Variants in NMNAT1 observed in about 807,000 individuals in gnomAD.
The protein encoded by NMNAT1 is nicotinamide nucleotide adenylyltransferase 1.
In NMNAT1, 11 loss-of-function variants were observed where a neutral mutation model predicts 16.7. The observed-to-expected ratio is 0.66, with a 90% CI of 0.41 to 1.09. The LOEUF (loss-of-function observed/expected upper bound fraction) is 1.09, where lower values mean the gene tolerates loss of function less well. Ranked by LOEUF, NMNAT1 falls within the 50% of genes least tolerant of loss-of-function variation. NMNAT1 has a pLI of 0.00. For synonymous variants in NMNAT1, 110 were observed against 119.8 expected (o/e 0.92, Z 0.53); for missense variants, 280 against 332.3 (o/e 0.84, Z 1.22).
At position 9,972,207 on chromosome 1, in the gene NMNAT1, A is replaced by C; in HGVS notation, c.115+19A>C. The C allele has an allele frequency of 7.1e-7, 1 of 1,416,670 alleles. No individual in the cohort carries two copies. The highest frequency in any genetic ancestry group is 1.4e-5 in the African/African-American group (1 of 71,050). 87.8% of individuals were successfully genotyped at this position (1,416,670 alleles called of 1,614,324 possible). The stretch of plus-strand genomic sequence containing the variant: ...GGAACAGGTAGGAGCAGTAACCAAA[A>C]GTGGCTTAAGACTAGAGAACCAGCC... On this transcript the variant is annotated intron_variant, in intron 2 of 4. Coordinates refer to ENST00000377205, the MANE Select transcript of NMNAT1 (RefSeq NM_022787.4).
intron 1 of NMNAT1, among the ~76,000 whole-genome samples, chr1:9,956,621 T>G (rs1390300677): frequency 2.0e-5 from 3 of 151,570 alleles, no homozygotes; most frequent in Non-Finnish European, 4.4e-5. Context: ...TGGGGTTTCA[T>G]CATGTTGTCC....
chr1:9,957,061 CTCT>C (rs904462203), intron 1 of NMNAT1, among the ~76,000 whole-genome samples: 28 of 151,380 alleles, frequency 1.8e-4, no homozygotes, highest in African/African-American at 5.8e-4. Flanking sequence ...TGGAGTTTCG[CTCT>C]TGTCACCCAG....
chr1:9,993,475 C>CA, the NMNAT1 span, among the ~76,000 whole-genome samples: 1,291 of 134,036 alleles, frequency 9.6e-3, 19 homozygotes, highest in African/African-American at 0.03. Context: ...CACCCCATCT[C>CA]AAAAAAAAAA....
chr1:9,961,377 G>A (rs945356137), intron 1 of NMNAT1, among the ~76,000 whole-genome samples: 2 of 152,108 alleles, frequency 1.3e-5, no homozygotes, highest in African/African-American at 4.8e-5. Context: ...GTTGTCTGAC[G>A]CCAGCTGTCT....
chr1:9,962,278 T>C (rs1641431232), intron 1 of NMNAT1, among the ~76,000 whole-genome samples: 1 of 151,240 alleles, frequency 6.6e-6, no homozygotes. Context: ...GTCAGGAGAT[T>C]GAGACCATCC....
chr1:9,987,498 G>T (rs1401309670), downstream of NMNAT1, among the ~76,000 whole-genome samples: 2 of 151,712 alleles, frequency 1.3e-5, no homozygotes, highest in Non-Finnish European at 2.9e-5. Flanking sequence ...AATTATCCGG[G>T]CGTAGGTGGC....
chr1:9,991,433 G>A, the NMNAT1 span, among the ~76,000 whole-genome samples: 20 of 152,114 alleles, frequency 1.3e-4, no homozygotes, highest in Non-Finnish European at 1.9e-4. Flanking sequence ...GCCTCCCAAA[G>A]TGCTGGGATT....
At chr1:9,948,888 T>C (rs1284997181) in intron 1 of NMNAT1, among the ~76,000 whole-genome samples, 1 of 150,516 alleles carries the variant, frequency 6.6e-6, no homozygotes, top group Non-Finnish European at 1.5e-5. Flanking sequence ...CCTCAGGTGA[T>C]TCACCCACCT....
At chr1:9,968,273 C>T (rs1327069103) in intron 1 of NMNAT1, among the ~76,000 whole-genome samples, 1 of 151,036 alleles carries the variant, frequency 6.6e-6, no homozygotes, top group Non-Finnish European at 1.5e-5. Context: ...GGGGTTTCAC[C>T]ATGTTAGCCA....
At chr1:9,992,469 G>C in the NMNAT1 span, among the ~76,000 whole-genome samples, 1 of 152,116 alleles carries the variant, frequency 6.6e-6, no homozygotes, top group African/African-American at 2.4e-5. Flanking sequence ...ATTCATCCCA[G>C]TTTACCAGGG....
intron 3 of NMNAT1, among the ~76,000 whole-genome samples, chr1:9,978,155 G>A (rs183281838): frequency 6.6e-5 from 10 of 152,200 alleles, no homozygotes; most frequent in Non-Finnish European, 2.9e-5. Flanking sequence ...TCAGGAGATC[G>A]AGACCACCCT....
downstream of NMNAT1, among the ~76,000 whole-genome samples, chr1:9,985,694 G>T (rs1411262556): frequency 6.6e-6 from 1 of 152,058 alleles, no homozygotes; most frequent in Non-Finnish European, 1.5e-5. Flanking sequence ...AGACAGTTTT[G>T]CTGTGTCACC....
chr1:9,961,244 C>G lies in NMNAT1; in HGVS notation c.-56-10774C>G, dbSNP rs114753523. Among the ~76,000 whole-genome samples the G allele has an allele frequency of 8.7e-3, 1,323 of 152,240 alleles. 20 individuals carry two copies. Among genetic ancestry groups the G allele is most frequent in the African/African-American group, 0.03 (1,258 of 41,546 alleles). On this transcript the variant is annotated intron_variant, in intron 1 of 4. Coordinates refer to ENST00000377205, the MANE Select transcript of NMNAT1 (RefSeq NM_022787.4). ...TAGGGCTAAAAGCTGTTTGTTCCATCCTTCCCTGAAGTCTGCTTCAGAACT... is the reference window on the plus strand; with the variant it reads ...TAGGGCTAAAAGCTGTTTGTTCCATGCTTCCCTGAAGTCTGCTTCAGAACT...
At chr1:9,950,282 G>C (rs1373177273) in intron 1 of NMNAT1, among the ~76,000 whole-genome samples, 5 of 152,032 alleles carry the variant, frequency 3.3e-5, no homozygotes, top group African/African-American at 9.7e-5. Context: ...GTAGTGACAG[G>C]GTTTTGACAT....
intron 3 of NMNAT1, among the ~76,000 whole-genome samples, chr1:9,978,243 C>G (rs1385236283): frequency 6.6e-6 from 1 of 152,160 alleles, no homozygotes; most frequent in Non-Finnish European, 1.5e-5. Context: ...ATAGTCCCAG[C>G]TACTTGGGAG....
chr1:9,946,776 A>G (rs555294158), intron 1 of NMNAT1, among the ~76,000 whole-genome samples: 9 of 152,202 alleles, frequency 5.9e-5, no homozygotes, highest in Admixed American at 1.3e-4. Flanking sequence ...AGAAGAGTGA[A>G]TGGAGAGCTT....
intron 1 of NMNAT1, among the ~76,000 whole-genome samples, chr1:9,965,091 G>A (rs1385179705): frequency 1.3e-5 from 2 of 151,870 alleles, no homozygotes; most frequent in African/African-American, 2.4e-5. Flanking sequence ...GGCCGAGGCG[G>A]GTGGATCACC....
At chr1:9,959,203 C>A (rs965793203) in intron 1 of NMNAT1, among the ~76,000 whole-genome samples, 2 of 152,084 alleles carry the variant, frequency 1.3e-5, no homozygotes, top group Non-Finnish European at 2.9e-5. Flanking sequence ...GAAACCCCAT[C>A]TCTACTAAAA....
At chr1:9,949,466 G>A (rs1235615045) in intron 1 of NMNAT1, among the ~76,000 whole-genome samples, 2 of 142,126 alleles carry the variant, frequency 1.4e-5, no homozygotes, top group Admixed American at 7.3e-5. Context: ...CTGGAGTGCA[G>A]TGGTGCAATC....
Sources: gnomAD v4.1 joint callset for allele counts (sites outside exome capture counted in the v4.1 genomes callset) on GRCh38, gnomAD v4.1.1 for gene constraint, MANE v1.5 for transcripts, NCBI Gene and HGNC (gene_info 2026-07-23, HGNC 2026-07-21) for gene names.